Variants in SORT1 observed in about 807,000 individuals in gnomAD.
The protein encoded by SORT1 is sortilin.
Under a neutral mutation model 101.7 loss-of-function variants are expected in SORT1, and 39 were observed. The ratio of observed to expected loss-of-function variants is 0.38; its 90% CI spans 0.30 to 0.50. The LOEUF is 0.50. Ranked by LOEUF, SORT1 falls within the 20% of genes least tolerant of loss-of-function variation. SORT1 has a pLI of 0.90. For synonymous variants in SORT1, 396 were observed against 393.7 expected, an observed-to-expected ratio of 1.01 and a Z score of -0.07; for missense variants, 878 against 1,040.4, an observed-to-expected ratio of 0.84 and a Z score of 2.15.
At chr1:109,319,082 A>G (rs781340349) in intron 15 of SORT1, among the ~76,000 whole-genome samples, 1 of 152,164 alleles carries the variant, frequency 6.6e-6, no homozygotes. Context: ...CCAGCCAGCA[A>G]TTCTTTTCTT....
At chr1:109,325,519 C>T (rs1254189730) in intron 13 of SORT1, among the ~76,000 whole-genome samples, 1 of 151,876 alleles carries the variant, frequency 6.6e-6, no homozygotes, top group African/African-American at 2.4e-5. Flanking sequence ...GGATTATAGG[C>T]GTGAGCCACC....
chr1:109,377,876 A>G (rs1651963786), intron 1 of SORT1, among the ~76,000 whole-genome samples: 1 of 152,196 alleles, frequency 6.6e-6, no homozygotes, highest in African/African-American at 2.4e-5. Flanking sequence ...AAATCTATTA[A>G]TATCACCATC....
chr1:109,323,321 T>C (rs1430986981), intron 14 of SORT1, among the ~76,000 whole-genome samples, 200 bp from the exon 15 acceptor site: 1 of 152,062 alleles, frequency 6.6e-6, no homozygotes, highest in African/African-American at 2.4e-5. Flanking sequence ...GCCAAAAGAG[T>C]ATTCCTTCCA....
At chr1:109,347,634 C>G in intron 6 of SORT1, 102 bp from the exon 7 acceptor site, 1 of 782,942 alleles carries the variant, frequency 1.3e-6, no homozygotes, top group Non-Finnish European at 2.2e-6. Context: ...AAGCTTCATT[C>G]ACAGGCACTG....
intron 11 of SORT1, among the ~76,000 whole-genome samples, chr1:109,329,841 A>C (rs573174218): frequency 2.0e-5 from 3 of 152,360 alleles, no homozygotes; most frequent in South Asian, 2.1e-4. Context: ...AACTTGAACA[A>C]CACCATACAA....
At chr1:109,337,849 C>G (rs933998188) in intron 10 of SORT1, among the ~76,000 whole-genome samples, 3 of 152,214 alleles carry the variant, frequency 2.0e-5, no homozygotes, top group Non-Finnish European at 4.4e-5. Flanking sequence ...TGTTCTCCAA[C>G]TCCTGACCTC....
intron 1 of SORT1, among the ~76,000 whole-genome samples, chr1:109,380,840 A>T (rs1231569746): frequency 6.6e-6 from 1 of 150,876 alleles, no homozygotes; most frequent in Non-Finnish European, 1.5e-5. Context: ...AAAAAAAAAA[A>T]AATTAGCCGG....
At chr1:109,331,635 T>C (rs1157938384) in intron 11 of SORT1, among the ~76,000 whole-genome samples, 1 of 152,134 alleles carries the variant, frequency 6.6e-6, no homozygotes, top group Non-Finnish European at 1.5e-5. Context: ...AAGATGCCCA[T>C]TCTCACCACT....
intron 1 of SORT1, among the ~76,000 whole-genome samples, chr1:109,380,813 CAAAAA>C (rs60568166): frequency 1.0e-4 from 5 of 49,216 alleles, no homozygotes; most frequent in African/African-American, 1.9e-4. Flanking sequence ...CCTGTCGCCA[CAAAAA>C]AAAAAAAAAA....
chr1:109,325,207 C>G, intron 13 of SORT1, 118 bp from the exon 14 acceptor site: 1 of 447,184 alleles, frequency 2.2e-6, no homozygotes, highest in Non-Finnish European at 4.0e-6. Flanking sequence ...TAGGTGGTGG[C>G]TTATTGGCTG....
intron 4 of SORT1, 68 bp from the exon 5 acceptor site, chr1:109,354,599 C>T: frequency 8.8e-7 from 1 of 1,142,168 alleles, no homozygotes; most frequent in Non-Finnish European, 1.2e-6. Flanking sequence ...AGTTCTTACA[C>T]CATTTTCACC....
chr1:109,384,410 G>A (rs1255392586), intron 1 of SORT1, among the ~76,000 whole-genome samples: 1 of 152,170 alleles, frequency 6.6e-6, no homozygotes, highest in Non-Finnish European at 1.5e-5. Context: ...GACAGACAGG[G>A]ACAACAGCAA....
chr1:109,335,160 G>A (rs2101569432), intron 11 of SORT1, among the ~76,000 whole-genome samples: 1 of 152,252 alleles, frequency 6.6e-6, no homozygotes, highest in South Asian at 2.1e-4. Context: ...GGGATAAGGT[G>A]AGCAATGACA....
chr1:109,318,799 T>A (rs1353128025), intron 15 of SORT1, among the ~76,000 whole-genome samples: 2 of 152,142 alleles, frequency 1.3e-5, no homozygotes, highest in East Asian at 1.9e-4. Context: ...ACCACATGCA[T>A]GCACCACCAT....
intron 13 of SORT1, 142 bp from the exon 14 acceptor site, chr1:109,325,231 C>CTTTTTTTTTTT (rs35552184): frequency 1.6e-5 from 3 of 183,356 alleles, no homozygotes; most frequent in Non-Finnish European, 2.9e-5. Context: ...ATTATTTTAA[C>CTTTTTTTTTTT]TTTTTTTTTT....
rs1658800909 is a variant in SORT1, at chr1:109,312,725, TA to T, written c.*1317del. ...ACTAATTATTGCAGCTTTCCATTACTATATGGCCACCCCAAAATCCACCCAA... is the reference window on the plus strand; with the variant it reads ...ACTAATTATTGCAGCTTTCCATTACTTATGGCCACCCCAAAATCCACCCAA... On this transcript the variant is annotated 3_prime_UTR_variant, in exon 20 of 20. Transcript: ENST00000256637. 1 of 152,496 alleles carries T rather than the reference TA, an allele frequency of 6.6e-6. No individual in the cohort carries two copies. Among genetic ancestry groups the T allele is most frequent in the African/African-American group, 2.4e-5 (1 of 41,462 alleles). 9.4% of individuals were successfully genotyped at this position (152,496 alleles called of 1,614,324 possible). A position where few individuals can be genotyped will look rare whatever the true frequency, so the allele number is the denominator to read the frequency against.
Position 109,313,981 on chromosome 1 carries a change from A to G in SORT1, c.*62T>C. The G allele has an allele frequency of 6.5e-7, 1 of 1,529,492 alleles. No individual in the cohort carries two copies. Among genetic ancestry groups the G allele is most frequent in the Non-Finnish European group, 9.0e-7 (1 of 1,106,884 alleles). 94.7% of individuals were successfully genotyped at this position (1,529,492 alleles called of 1,614,324 possible). A position where few individuals can be genotyped will look rare whatever the true frequency, so the allele number is the denominator to read the frequency against. ...AAATTTATTTCCTGAAGTTGGAGCCACAGGGAGTGTAAGAGGTACTGTGGT... is the reference window on the plus strand; with the variant it reads ...AAATTTATTTCCTGAAGTTGGAGCCGCAGGGAGTGTAAGAGGTACTGTGGT... On this transcript the variant is annotated 3_prime_UTR_variant, in exon 20 of 20. Coordinates refer to ENST00000256637, the MANE Select transcript of SORT1 (RefSeq NM_002959.7).
chr1:109,322,661 T>C lies in SORT1; in HGVS notation c.2024+271A>G, dbSNP rs201779394. 2.6e-4 allele frequency among the ~76,000 whole-genome samples: 4 copies of C among 15,114 alleles called. No individual in the cohort carries two copies. The East Asian group carries it at 0.22, about 840-fold the overall frequency. 9.9% of individuals were successfully genotyped at this position (15,114 alleles called of 152,430 possible). A position where few individuals can be genotyped will look rare whatever the true frequency, so the allele number is the denominator to read the frequency against. ...CTTGTGTCTCAGCCACCTGAGCAGC[T>C]TGGGATTATAGGCGTGCGCCACCAT... On this transcript the variant is annotated intron_variant, in intron 15 of 19. Transcript: ENST00000256637.
At chr1:109,324,424 CCG>C (rs918044158) in intron 14 of SORT1, among the ~76,000 whole-genome samples, 69 of 152,294 alleles carry the variant, frequency 4.5e-4, no homozygotes, top group African/African-American at 1.5e-3. Context: ...GCATGAGCCA[CCG>C]CGCCTGGCCA....
Sources: allele counts gnomAD v4.1 joint callset (sites outside exome capture counted in the v4.1 genomes callset), GRCh38; gene constraint gnomAD v4.1.1; transcripts MANE v1.5; gene names NCBI Gene and HGNC (gene_info 2026-07-23, HGNC 2026-07-21).